The following ZNF521 variants were observed in gnomAD, a reference collection of about 807,000 sequenced individuals.
The protein encoded by ZNF521 is LYST-interacting protein 3.
A neutral mutation model predicts 105.5 loss-of-function variants in ZNF521; 14 were observed. The ratio of observed to expected loss-of-function variants is 0.13; its 90% CI spans 0.09 to 0.21. ZNF521 has a LOEUF of 0.21. ZNF521 is among the 10% of genes least tolerant of loss of function. ZNF521 has a pLI of 1.00. For missense variants in ZNF521, 1,233 were observed against 1,629.7 expected, an observed-to-expected ratio of 0.76 and a Z score of 4.19; for synonymous variants, 635 against 606.0, an observed-to-expected ratio of 1.05 and a Z score of -0.70.
intron 5 of ZNF521, among the ~76,000 whole-genome samples, chr18:25,095,380 T>C (rs535636276): frequency 5.9e-5 from 9 of 152,268 alleles, no homozygotes; most frequent in African/African-American, 2.2e-4. Flanking sequence ...AATTGGATAA[T>C]ACAGCCTGAC....
At chr18:25,282,678 CA>C (rs1242995107) in intron 3 of ZNF521, among the ~76,000 whole-genome samples, 1 of 151,504 alleles carries the variant, frequency 6.6e-6, no homozygotes, top group Non-Finnish European at 1.5e-5. Flanking sequence ...GTCAGAAGCC[CA>C]AAAAAATTAA....
At position 25,219,862 on chromosome 18, in the gene ZNF521, G is replaced by A. The variant is rs939581096; in HGVS notation, c.3573+4483C>T. Among the ~76,000 whole-genome samples the A allele has an allele frequency of 2.6e-5, 4 of 152,166 alleles. No homozygotes were observed. In the South Asian group the frequency reaches 8.3e-4, roughly 32 times the overall value. On this transcript the variant is annotated intron_variant, in intron 4 of 7. Coordinates refer to ENST00000361524, the MANE Select transcript of ZNF521 (RefSeq NM_015461.3). ...AAAATAAAATTAGCTTCATTGAGGT[G>A]TAATCCCCATAAAAATAATAAACCA...
At chr18:25,272,621 A>T (rs1046625119) in intron 3 of ZNF521, among the ~76,000 whole-genome samples, 1 of 152,164 alleles carries the variant, frequency 6.6e-6, no homozygotes, top group African/African-American at 2.4e-5. Context: ...AGGGACATGG[A>T]TGAAGCTGGA....
intron 2 of ZNF521, among the ~76,000 whole-genome samples, chr18:25,346,314 CG>C (rs1222591386): frequency 6.6e-6 from 1 of 151,620 alleles, no homozygotes; most frequent in Non-Finnish European, 1.5e-5. Context: ...CCTGTCTACC[CG>C]TAAGTATATA....
At chr18:25,316,155 A>G (rs138339506) in intron 3 of ZNF521, among the ~76,000 whole-genome samples, 1 of 152,034 alleles carries the variant, frequency 6.6e-6, no homozygotes, top group Non-Finnish European at 1.5e-5. Context: ...ACAAGCAACA[A>G]AGAATAAATT....
chr18:25,217,667 T>C (rs1031957355), intron 4 of ZNF521, among the ~76,000 whole-genome samples: 12 of 152,346 alleles, frequency 7.9e-5, no homozygotes, highest in Non-Finnish European at 2.9e-5. Flanking sequence ...ACCCATGCAG[T>C]GAGGCCTTTG....
intron 3 of ZNF521, among the ~76,000 whole-genome samples, chr18:25,314,224 C>T (rs1450062333): frequency 6.6e-6 from 1 of 152,102 alleles, no homozygotes; most frequent in East Asian, 1.9e-4. Flanking sequence ...CAGTTTCAAT[C>T]TGCTTTTATG....
chr18:25,147,946 C>T (rs944706143), intron 5 of ZNF521, among the ~76,000 whole-genome samples: 1 of 152,132 alleles, frequency 6.6e-6, no homozygotes, highest in Admixed American at 6.5e-5. Context: ...GGAATATCTG[C>T]TAGGAAGGGC....
intron 5 of ZNF521, among the ~76,000 whole-genome samples, chr18:25,178,063 T>C (rs1429883762): frequency 6.6e-6 from 1 of 152,218 alleles, no homozygotes; most frequent in Non-Finnish European, 1.5e-5. Flanking sequence ...TCTCTGTGGT[T>C]CAAAAGGAAC....
intron 7 of ZNF521, among the ~76,000 whole-genome samples, chr18:25,085,444 G>A: frequency 6.6e-6 from 1 of 151,866 alleles, no homozygotes; most frequent in East Asian, 1.9e-4. Flanking sequence ...AAGGACTTGT[G>A]GTTTGTGATA....
intron 7 of ZNF521, among the ~76,000 whole-genome samples, chr18:25,063,580 C>T (rs184864600): frequency 7.2e-4 from 109 of 152,270 alleles, no homozygotes; most frequent in African/African-American, 1.3e-3. Context: ...TGAGGGTGGA[C>T]GCCGGGTGGG....
Position 25,174,590 on chromosome 18 carries a change from C to T in ZNF521, c.3658+20570G>A, listed in dbSNP as rs1396954871. On this transcript the variant is annotated intron_variant, in intron 5 of 7. Coordinates refer to ENST00000361524, the MANE Select transcript of ZNF521 (RefSeq NM_015461.3). Reference sequence around the variant, plus strand: ...CTGCAGCTTAGCAGCTGCACAGGCTCGCCAAGCGTGGTCATCTCTCCACCT... The same window carrying T: ...CTGCAGCTTAGCAGCTGCACAGGCTTGCCAAGCGTGGTCATCTCTCCACCT... Among the ~76,000 whole-genome samples the T allele has an allele frequency of 5.3e-5, 8 of 152,306 alleles. No individual in the cohort carries two copies. In the South Asian group the frequency reaches 6.2e-4, roughly 12 times the overall value.
intron 5 of ZNF521, among the ~76,000 whole-genome samples, chr18:25,181,096 C>T (rs781198987): frequency 1.7e-4 from 26 of 152,164 alleles, no homozygotes; most frequent in Admixed American, 7.2e-4. Context: ...TCTGCACCCA[C>T]GGCAGTGATC....
In ZNF521 at chr18:25,227,016, T is replaced by C. The variant is rs781085559; in HGVS notation, c.902A>G (p.Glu301Gly). ...VEETSLMNHM[E>G]QVHSGEKKNS... ...CTTCTTCTCCCCGCTATGCACCTGC[T>C]CCATGTGGTTCATGAGGGAGGTCTC... is the stretch of plus-strand genomic sequence containing the variant. Residue 301 changes from glutamate (E) to glycine (G), a missense_variant, in exon 4 of 8, where the codon GAG (glutamate) becomes GGG (glycine). Coordinates refer to ENST00000361524, the MANE Select transcript of ZNF521 (RefSeq NM_015461.3). The surrounding 1 kb of genome is among the most constrained non-coding windows in gnomAD (Gnocchi z 5.7). 5.0e-6 allele frequency: 8 copies of C among 1,614,134 alleles called. No individual in the cohort carries two copies. In the Admixed American group the frequency reaches 1.2e-4, roughly 24 times the overall value.
chr18:25,092,094 A>C lies in ZNF521; in HGVS notation c.3659-13T>G, dbSNP rs752571441. Reference sequence around the variant, plus strand: ...TTCAGTCCTTCATCTGTCAAGGAAAACACATGAAGAGAAATGATGAAAACC... The same window carrying C: ...TTCAGTCCTTCATCTGTCAAGGAAACCACATGAAGAGAAATGATGAAAACC... On this transcript the variant is annotated splice_polypyrimidine_tract_variant and intron_variant, in intron 5 of 7. Coordinates refer to ENST00000361524, the MANE Select transcript of ZNF521 (RefSeq NM_015461.3). 2 of 1,613,440 alleles carry C rather than the reference A, an allele frequency of 1.2e-6. No individual in the cohort carries two copies. The highest frequency in any genetic ancestry group is 1.1e-5 in the South Asian group (1 of 90,958).
intron 5 of ZNF521, among the ~76,000 whole-genome samples, chr18:25,113,098 A>C (rs1600047264): frequency 6.6e-6 from 1 of 150,764 alleles, no homozygotes; most frequent in East Asian, 2.0e-4. Flanking sequence ...GCAGTTATGG[A>C]GGCTGGATCG....
intron 3 of ZNF521, among the ~76,000 whole-genome samples, chr18:25,252,588 C>G (rs1908194274): frequency 6.6e-6 from 1 of 151,942 alleles, no homozygotes. Flanking sequence ...AGGAAATCAG[C>G]TACACACTTT....
intron 5 of ZNF521, among the ~76,000 whole-genome samples, chr18:25,127,213 T>C (rs2034554469): frequency 6.6e-6 from 1 of 151,992 alleles, no homozygotes; most frequent in African/African-American, 2.4e-5. Context: ...ACAATGGATA[T>C]AAAGGTCAGG....
Position 25,336,655 on chromosome 18 carries a change from G to A in ZNF521, c.40+14252C>T, listed in dbSNP as rs535412739. On this transcript the variant is annotated intron_variant, in intron 2 of 7. Transcript: ENST00000361524. ...GATCAATGCATTGGCCAGGGTGAAG[G>A]TACCTGTCGTGGCAGACTGAACTCG... Among the ~76,000 whole-genome samples the A allele has an allele frequency of 2.6e-5, 4 of 152,258 alleles. No homozygotes were observed. The East Asian group carries it at 7.7e-4, about 29-fold the overall frequency.
Sources: allele counts gnomAD v4.1 joint callset (sites outside exome capture counted in the v4.1 genomes callset), GRCh38; gene constraint gnomAD v4.1.1; non-coding constraint Gnocchi (gnomAD v3.1); transcripts MANE v1.5; gene names NCBI Gene and HGNC (gene_info 2026-07-23, HGNC 2026-07-21).